Variants in NMT1 observed in about 807,000 individuals in gnomAD.
The protein encoded by NMT1 is N-myristoyltransferase 1, also known as glycylpeptide N-tetradecanoyltransferase 1.
Under a neutral mutation model 63.4 loss-of-function variants are expected in NMT1, and 12 were observed. The ratio of observed to expected loss-of-function variants is 0.19; its 90% CI spans 0.12 to 0.31. The LOEUF is 0.31. NMT1 is among the 10% of genes least tolerant of loss of function. The pLI is 1.00. For missense variants in NMT1, 432 were observed against 634.6 expected, an observed-to-expected ratio of 0.68 and a Z score of 3.43; for synonymous variants, 228 against 234.3, an observed-to-expected ratio of 0.97 and a Z score of 0.25.
At position 45,098,487 on chromosome 17, in the gene NMT1, G is replaced by A. The variant is rs201216212; in HGVS notation, c.819G>A (p.Leu273=). ...GAGAGATCACCAGGCGGGTTCACCTGGAGGGCATCTTCCAAGCAGTTTACA... is the reference window on the plus strand; with the variant it reads ...GAGAGATCACCAGGCGGGTTCACCTAGAGGGCATCTTCCAAGCAGTTTACA... ...LIREITRRVH[L]EGIFQAVYTA... Residue 273 remains leucine, a synonymous_variant, in exon 7 of 12, where the codon CTG becomes CTA. Coordinates refer to ENST00000258960, the MANE Select transcript of NMT1 (RefSeq NM_021079.5). 177 of 1,614,238 alleles carry A rather than the reference G, an allele frequency of 1.1e-4. No individual in the cohort carries two copies. The African/African-American group carries it at 1.3e-3, about 12-fold the overall frequency.
At chr17:45,070,712 T>C (rs1488501386) in intron 1 of NMT1, among the ~76,000 whole-genome samples, 1 of 152,150 alleles carries the variant, frequency 6.6e-6, no homozygotes, top group Non-Finnish European at 1.5e-5. Flanking sequence ...CCACCGCGCC[T>C]GGCCAATTTT....
chr17:45,099,491 T>C lies in NMT1; in HGVS notation c.971T>C (p.Met324Thr). ...AGAAATATGACCATGCAGCGCACCA[T>C]GAAGCTCTACCGACTGCCAGAGGCC... ...LSRNMTMQRTMKLYRLPETPK... is the reference protein window; with the variant it reads ...LSRNMTMQRTTKLYRLPETPK... Residue 324 changes from methionine to threonine, a missense_variant, in exon 8 of 12, where the codon ATG becomes ACG. Coordinates refer to ENST00000258960, the MANE Select transcript of NMT1 (RefSeq NM_021079.5). The C allele has an allele frequency of 6.2e-7, 1 of 1,613,876 alleles. No individual in the cohort carries two copies. Among genetic ancestry groups the C allele is most frequent in the Non-Finnish European group, 8.5e-7 (1 of 1,179,786 alleles).
chr17:45,098,661 G>C, intron 7 of NMT1, 109 bp downstream of exon 7: 1 of 1,059,900 alleles, frequency 9.4e-7, no homozygotes, highest in Non-Finnish European at 1.4e-6. Context: ...CACCTCTGGC[G>C]TATCTGGTAA....
In NMT1 at chr17:45,107,541, C is replaced by CA. The variant is rs2054210487; in HGVS notation, c.*1903dup. 6.5e-6 allele frequency: 1 copy of CA among 152,678 alleles called. No individual in the cohort carries two copies. 9.5% of individuals were successfully genotyped at this position (152,678 alleles called of 1,614,324 possible). A position where few individuals can be genotyped will look rare whatever the true frequency, so the allele number is the denominator to read the frequency against. ...GTCGGAGAGGCAGGGGCTTGCTTTG[C>CA]AGCCCCACAGACAACAGTTGCACAG... is the stretch of plus-strand genomic sequence containing the variant. On this transcript the variant is annotated 3_prime_UTR_variant, in exon 12 of 12. Coordinates refer to ENST00000258960, the MANE Select transcript of NMT1 (RefSeq NM_021079.5).
chr17:45,096,638 C>G (rs1845198699), intron 5 of NMT1, among the ~76,000 whole-genome samples: 1 of 152,164 alleles, frequency 6.6e-6, no homozygotes, highest in African/African-American at 2.4e-5. Flanking sequence ...AGTTGTATAG[C>G]CTTGCCTGGC....
intron 5 of NMT1, among the ~76,000 whole-genome samples, chr17:45,096,705 C>T (rs550120063): frequency 6.6e-6 from 1 of 152,102 alleles, no homozygotes; most frequent in Non-Finnish European, 1.5e-5. Context: ...AGGCATGGGC[C>T]GAAATGGAGA....
At chr17:45,071,798 G>A (rs906961853) in intron 1 of NMT1, among the ~76,000 whole-genome samples, 11 of 151,796 alleles carry the variant, frequency 7.2e-5, no homozygotes, top group African/African-American at 1.9e-4. Context: ...AAGCGTGGTC[G>A]TGGGGCACTA....
At chr17:45,085,386 A>T (rs765553026) in intron 2 of NMT1, among the ~76,000 whole-genome samples, 1 of 152,242 alleles carries the variant, frequency 6.6e-6, no homozygotes, top group Non-Finnish European at 1.5e-5. Context: ...GGGTAGGTCC[A>T]GGTGTTTTCA....
chr17:45,103,116 G>T lies in NMT1; in HGVS notation c.1159G>T (p.Val387Leu), dbSNP rs1324984572. ...GGAGAATATCATCGACACTTTCGTG[G>T]TGGAGGTGAGTCAGGGAGTGGTGTT... ...PQENIIDTFV[V>L]ENANGEVTDF... is the part of the protein sequence containing the mutation. The change falls in exon 9 of 12, where the codon GTG becomes TTG. Residue 387 changes from valine (V) to leucine (L), a missense_variant. Physicochemically the swap from Val to Leu is conservative, Grantham distance 32. Transcript: ENST00000258960. This position sits in a 1 kb window ranked among gnomAD's most constrained non-coding sequence, Gnocchi z 4.8. 1 of 1,607,484 alleles carries T rather than the reference G, an allele frequency of 6.2e-7. No homozygotes were observed. Among genetic ancestry groups the T allele is most frequent in the South Asian group, 1.1e-5 (1 of 90,910 alleles).
chr17:45,108,457 A>G lies in NMT1; in HGVS notation c.*2818A>G, dbSNP rs1214091270. 1 of 152,654 alleles carries G rather than the reference A, an allele frequency of 6.6e-6. No homozygotes were observed. The highest frequency in any genetic ancestry group is 1.5e-5 in the Non-Finnish European group (1 of 68,066). 9.5% of individuals were successfully genotyped at this position (152,654 alleles called of 1,614,324 possible). On this transcript the variant is annotated 3_prime_UTR_variant, in exon 12 of 12. Transcript: ENST00000258960. ...CAGGCCTTCCCCACAACTCCTGTCT[A>G]ACTGCTGTCGCCCCCCTACTTGCTG...
intron 2 of NMT1, among the ~76,000 whole-genome samples, chr17:45,084,588 C>T (rs1305280839): frequency 6.6e-6 from 1 of 151,938 alleles, no homozygotes; most frequent in Admixed American, 6.6e-5. Context: ...CCGCCTCGAC[C>T]TCCCAAAGTG....
At chr17:45,072,358 C>G (rs2053946474) in intron 1 of NMT1, among the ~76,000 whole-genome samples, 2 of 151,422 alleles carry the variant, frequency 1.3e-5, no homozygotes, top group African/African-American at 4.9e-5. Flanking sequence ...CTCCCAGGTT[C>G]AAGCGATTCT....
rs1025575332 is a variant in NMT1 at position 45,106,156 on chromosome 17, G to A, written c.*517G>A. On this transcript the variant is annotated 3_prime_UTR_variant, in exon 12 of 12. Coordinates refer to ENST00000258960, the MANE Select transcript of NMT1 (RefSeq NM_021079.5). ...GACATTGGCTTATCATGGGGAAAAA[G>A]AGGATCTGGAGAACCTCATCCAGCT... 4 of 152,528 alleles carry A rather than the reference G, an allele frequency of 2.6e-5. No individual in the cohort carries two copies. Among genetic ancestry groups the A allele is most frequent in the Non-Finnish European group, 5.9e-5 (4 of 68,042 alleles). The allele number at this position is 152,528 out of a possible 1,614,324, so 9.4% of individuals were successfully genotyped here.
chr17:45,068,861 G>C (rs764041915), intron 1 of NMT1, among the ~76,000 whole-genome samples: 3 of 152,148 alleles, frequency 2.0e-5, no homozygotes, highest in Non-Finnish European at 4.4e-5. Flanking sequence ...TGGTCAGGCT[G>C]GTCTCGAACT....
chr17:45,090,274 T>C (rs1004303184), intron 3 of NMT1, among the ~76,000 whole-genome samples: 1 of 151,920 alleles, frequency 6.6e-6, no homozygotes, highest in Non-Finnish European at 1.5e-5. Flanking sequence ...ACAAAGCGAG[T>C]CCCTGTCTCA....
chr17:45,066,780 T>C (rs2053905851), intron 1 of NMT1, among the ~76,000 whole-genome samples: 1 of 152,168 alleles, frequency 6.6e-6, no homozygotes, highest in African/African-American at 2.4e-5. Context: ...AGTGGTGTGA[T>C]CATGGCTTAC....
rs1395224842 is a variant in NMT1 at position 45,104,542 on chromosome 17, G to A, written c.1333-317G>A. The A allele has an allele frequency of 8.7e-7, 1 of 1,152,810 alleles. No individual in the cohort carries two copies. The highest frequency in any genetic ancestry group is 5.1e-5 in the East Asian group (1 of 19,658). 71.4% of individuals were successfully genotyped at this position (1,152,810 alleles called of 1,614,324 possible). A position where few individuals can be genotyped will look rare whatever the true frequency, so the allele number is the denominator to read the frequency against. On this transcript the variant is annotated intron_variant, in intron 10 of 11. Coordinates refer to ENST00000258960, the MANE Select transcript of NMT1 (RefSeq NM_021079.5). The surrounding 1 kb of genome is among the most constrained non-coding windows in gnomAD (Gnocchi z 4.2). ...CTCAGAGGAATGGGCTCAGGGTTTG[G>A]ACTCCAGAGAGGACTGTGGAAATTA...
intron 8 of NMT1, among the ~76,000 whole-genome samples, chr17:45,102,611 A>G (rs2054174343): frequency 6.6e-6 from 1 of 152,252 alleles, no homozygotes; most frequent in Admixed American, 6.5e-5. Context: ...CAGAAGGTAC[A>G]GCTAGAAAGG....
intron 1 of NMT1, among the ~76,000 whole-genome samples, chr17:45,065,982 G>T (rs1360714556): frequency 6.6e-6 from 1 of 151,778 alleles, no homozygotes; most frequent in Non-Finnish European, 1.5e-5. Context: ...AAAGTGCTGG[G>T]ATTGTAAGCA....
Sources: gnomAD v4.1 joint callset for allele counts (sites outside exome capture counted in the v4.1 genomes callset) on GRCh38, gnomAD v4.1.1 for gene constraint, Gnocchi (gnomAD v3.1) non-coding constraint, MANE v1.5 for transcripts, NCBI Gene and HGNC (gene_info 2026-07-23, HGNC 2026-07-21) for gene names.